Variants in COL11A1 observed in about 807,000 individuals in gnomAD.
The protein encoded by COL11A1 is collagen type XI alpha 1 chain.
Under a neutral mutation model 265.2 loss-of-function variants are expected in COL11A1, and 74 were observed. The observed-to-expected ratio is 0.28, with a 90% CI of 0.23 to 0.34. The LOEUF is 0.34. COL11A1 is among the 10% of genes least tolerant of loss of function. COL11A1 has a pLI of 1.00. For missense variants in COL11A1, 2,165 were observed against 2,263.6 expected (o/e 0.96, Z 0.88); for synonymous variants, 816 against 727.6 (o/e 1.12, Z -1.96).
chr1:102,962,882 T>C, intron 38 of COL11A1, 122 bp from the exon 39 acceptor site: 1 of 868,882 alleles, frequency 1.2e-6, no homozygotes. Context: ...TCTCATGATG[T>C]CCTACAAAAC....
At chr1:103,083,293 C>A (rs969843204) in intron 1 of COL11A1, among the ~76,000 whole-genome samples, 17 of 147,612 alleles carry the variant, frequency 1.2e-4, no homozygotes, top group South Asian at 8.7e-4. Flanking sequence ...GGCATATGTG[C>A]ATCTGGAATT....
At chr1:103,104,390 GAAC>G (rs1674529253) in intron 1 of COL11A1, among the ~76,000 whole-genome samples, 1 of 151,922 alleles carries the variant, frequency 6.6e-6, no homozygotes, top group African/African-American at 2.4e-5. Context: ...AACTTAACAT[GAAC>G]AACCATGTGG....
chr1:102,946,332 C>G (rs1016522983), intron 42 of COL11A1, among the ~76,000 whole-genome samples: 2 of 4,402 alleles, frequency 4.5e-4, no homozygotes, highest in African/African-American at 5.0e-4. Flanking sequence ...TATAATAAAC[C>G]CCCCCCCAAA....
chr1:102,989,241 C>T (rs985168090), intron 29 of COL11A1, among the ~76,000 whole-genome samples: 6 of 151,570 alleles, frequency 4.0e-5, no homozygotes, highest in African/African-American at 9.7e-5. Context: ...AATACTAACA[C>T]GTGTGTGTGC....
chr1:103,035,635 C>T (rs1320039146), intron 4 of COL11A1, among the ~76,000 whole-genome samples: 1 of 151,672 alleles, frequency 6.6e-6, no homozygotes, highest in East Asian at 1.9e-4. Flanking sequence ...CTAGTAACAC[C>T]CAAATAAGGA....
chr1:103,103,374 C>G (rs1033303048), intron 1 of COL11A1, among the ~76,000 whole-genome samples: 5 of 151,860 alleles, frequency 3.3e-5, no homozygotes, highest in Non-Finnish European at 7.4e-5. Flanking sequence ...TGGACCTAGT[C>G]TTCTATTAAC....
intron 49 of COL11A1, among the ~76,000 whole-genome samples, chr1:102,919,547 G>A (rs1182558134): frequency 2.0e-5 from 3 of 151,892 alleles, no homozygotes; most frequent in East Asian, 3.9e-4. Flanking sequence ...AATATATGAT[G>A]TTATAAATAT....
chr1:103,059,349 G>A (rs985670348), intron 4 of COL11A1, among the ~76,000 whole-genome samples: 1 of 151,986 alleles, frequency 6.6e-6, no homozygotes, highest in African/African-American at 2.4e-5. Context: ...ACCAAAATCT[G>A]AGACCTAATC....
Position 103,091,818 on chromosome 1 carries a change from A to G in COL11A1, c.107-8846T>C, listed in dbSNP as rs574939016. On this transcript the variant is annotated intron_variant, in intron 1 of 66. Coordinates refer to ENST00000370096, the MANE Select transcript of COL11A1 (RefSeq NM_001854.4). ...AAAAAACTGCGTATTTCATATTCAA[A>G]CAGTGAAGAGCACCAAACTGAGAAT... 2.0e-5 allele frequency among the ~76,000 whole-genome samples: 3 copies of G among 152,202 alleles called. No homozygotes were observed. In the East Asian group the frequency reaches 5.8e-4, roughly 29 times the overall value.
chr1:103,002,868 T>C (rs1037272570), intron 21 of COL11A1, 77 bp from the exon 22 acceptor site: 32 of 1,308,866 alleles, frequency 2.4e-5, no homozygotes, highest in Non-Finnish European at 3.3e-5. Context: ...ACTAATCTAA[T>C]ATCATGATAT....
chr1:103,097,474 T>C (rs1352233626), intron 1 of COL11A1, among the ~76,000 whole-genome samples: 1 of 150,604 alleles, frequency 6.6e-6, no homozygotes, highest in East Asian at 1.9e-4. Flanking sequence ...GGAAGTTTTC[T>C]TCGACTTTAC....
chr1:103,083,771 A>T (rs567422910), intron 1 of COL11A1, among the ~76,000 whole-genome samples: 1 of 152,150 alleles, frequency 6.6e-6, no homozygotes, highest in East Asian at 1.9e-4. Context: ...TTCATTATTT[A>T]GGCTGAAAGT....
At chr1:103,038,240 A>G (rs1668529288) in intron 4 of COL11A1, among the ~76,000 whole-genome samples, 1 of 152,148 alleles carries the variant, frequency 6.6e-6, no homozygotes, top group South Asian at 2.1e-4. Context: ...AGGTGGGTGG[A>G]TCACCTGAGG....
rs530812401 is a variant in COL11A1, at chr1:103,055,807, G to A, written c.651+18811C>T. 2.6e-5 allele frequency among the ~76,000 whole-genome samples: 4 copies of A among 152,270 alleles called. No individual in the cohort carries two copies. In the South Asian group the frequency reaches 8.3e-4, roughly 32 times the overall value. Reference sequence around the variant, plus strand: ...CCAATGTGGCCCAGGAAAGCCAAACGATTGGACACCTCTGGTATACATTTT... The same window carrying A: ...CCAATGTGGCCCAGGAAAGCCAAACAATTGGACACCTCTGGTATACATTTT... On this transcript the variant is annotated intron_variant, in intron 4 of 66. Coordinates refer to ENST00000370096, the MANE Select transcript of COL11A1 (RefSeq NM_001854.4).
At chr1:103,061,078 A>C (rs7542495) in intron 4 of COL11A1, among the ~76,000 whole-genome samples, 5,263 of 152,244 alleles carry the variant, frequency 0.035, 330 homozygotes, top group African/African-American at 0.12. Flanking sequence ...TAACATTCTA[A>C]AACTAATAAA....
intron 54 of COL11A1, among the ~76,000 whole-genome samples, chr1:102,900,721 A>G (rs1365309918): frequency 2.0e-5 from 3 of 152,176 alleles, no homozygotes. Context: ...GAATTTTAAC[A>G]TAACTAAATG....
In COL11A1 at chr1:103,039,867, G is replaced by T. The variant is rs1668672264; in HGVS notation, c.652-8623C>A. ...AAAGTAATAACTGACTATATCCAGGGTCCGGTATTAAGTAGATGCTGTAGA... is the reference window on the plus strand; with the variant it reads ...AAAGTAATAACTGACTATATCCAGGTTCCGGTATTAAGTAGATGCTGTAGA... On this transcript the variant is annotated intron_variant, in intron 4 of 66. Transcript: ENST00000370096. Among the ~76,000 whole-genome samples, 3 of 151,938 alleles carry T rather than the reference G, an allele frequency of 2.0e-5. No homozygotes were observed. In the South Asian group the frequency reaches 6.2e-4, roughly 32 times the overall value.
intron 1 of COL11A1, among the ~76,000 whole-genome samples, chr1:103,089,330 C>T (rs747398531): frequency 2.0e-5 from 3 of 152,106 alleles, no homozygotes; most frequent in Non-Finnish European, 2.9e-5. Context: ...TTAGCTCATC[C>T]AAGAGGATGA....
chr1:103,047,615 C>T (rs145618113), intron 4 of COL11A1, among the ~76,000 whole-genome samples: 5,507 of 152,264 alleles, frequency 0.036, 133 homozygotes, highest in Non-Finnish European at 0.057. Flanking sequence ...TGCCTGATTG[C>T]CCTAGGCAGA....
Sources: allele counts gnomAD v4.1 joint callset (sites outside exome capture counted in the v4.1 genomes callset), GRCh38; gene constraint gnomAD v4.1.1; transcripts MANE v1.5; gene names NCBI Gene and HGNC (gene_info 2026-07-23, HGNC 2026-07-21).